SLC2A13: variants seen among roughly 807,000 people sequenced by gnomAD.
The protein encoded by SLC2A13 is proton myo-inositol cotransporter.
A neutral mutation model predicts 64.4 loss-of-function variants in SLC2A13; 32 were observed. That is an observed-to-expected ratio of 0.50 (90% confidence interval 0.37 to 0.67). SLC2A13 has a LOEUF of 0.67. SLC2A13 is among the 30% of genes least tolerant of loss of function. SLC2A13 has a pLI of 0.00. For synonymous variants in SLC2A13, 338 were observed against 327.1 expected (o/e 1.03, Z -0.36); for missense variants, 743 against 829.2 (o/e 0.90, Z 1.28).
At chr12:39,778,843 A>G (rs1243338848) in intron 7 of SLC2A13, among the ~76,000 whole-genome samples, 2 of 152,204 alleles carry the variant, frequency 1.3e-5, no homozygotes, top group African/African-American at 4.8e-5. Context: ...AGCAACATCT[A>G]TAGGGGTATA....
At chr12:40,040,638 A>T (rs7978715) in intron 2 of SLC2A13, among the ~76,000 whole-genome samples, 7 of 152,208 alleles carry the variant, frequency 4.6e-5, no homozygotes, top group Non-Finnish European at 7.4e-5. Context: ...GTGATCCACC[A>T]GCTTTGGCCT....
intron 3 of SLC2A13, among the ~76,000 whole-genome samples, chr12:39,994,117 C>T (rs969685000): frequency 2.6e-5 from 4 of 152,076 alleles, no homozygotes; most frequent in African/African-American, 9.7e-5. Flanking sequence ...CTGCCGGGCG[C>T]GGTGGCTCAC....
Position 39,990,495 on chromosome 12 carries a change from T to C in SLC2A13, c.925+37806A>G, listed in dbSNP as rs139029774. 2.0e-4 allele frequency among the ~76,000 whole-genome samples: 31 copies of C among 152,306 alleles called. No homozygotes were observed. The Middle Eastern group carries it at 0.01, about 50-fold the overall frequency. On this transcript the variant is annotated intron_variant, in intron 3 of 9. Transcript: ENST00000280871. ...AAGTACAAGAAGGATGTGCCCACACTTGGATTTCTGGCTGTACTGTATTCT... is the reference window on the plus strand; with the variant it reads ...AAGTACAAGAAGGATGTGCCCACACCTGGATTTCTGGCTGTACTGTATTCT...
intron 7 of SLC2A13, among the ~76,000 whole-genome samples, chr12:39,817,629 G>A (rs1001412009): frequency 1.3e-5 from 2 of 152,156 alleles, no homozygotes; most frequent in African/African-American, 4.8e-5. Context: ...GAAAAAGTTA[G>A]CTGTACACAG....
chr12:40,068,044 C>G (rs914139301), intron 1 of SLC2A13, among the ~76,000 whole-genome samples: 1 of 152,012 alleles, frequency 6.6e-6, no homozygotes, highest in East Asian at 1.9e-4. Context: ...GCTTGGGCAA[C>G]GGGGAACCAC....
intron 3 of SLC2A13, among the ~76,000 whole-genome samples, chr12:40,024,092 T>A (rs559652743): frequency 2.6e-5 from 4 of 152,364 alleles, no homozygotes; most frequent in Non-Finnish European, 5.9e-5. Flanking sequence ...TAATTACCTA[T>A]GTCTCTATCA....
intron 1 of SLC2A13, among the ~76,000 whole-genome samples, chr12:40,093,417 C>T (rs1938830841): frequency 6.6e-6 from 1 of 152,134 alleles, no homozygotes; most frequent in African/African-American, 2.4e-5. Flanking sequence ...AGGCACTACA[C>T]TATTCAATGG....
intron 1 of SLC2A13, chr12:40,068,554 A>T (rs1196846483): frequency 1.5e-5 from 3 of 200,702 alleles, no homozygotes; most frequent in Admixed American, 8.8e-5. Flanking sequence ...GCGTTGATCA[A>T]CTCCAGTGAC....
chr12:39,947,449 T>C (rs2136095436), intron 4 of SLC2A13, among the ~76,000 whole-genome samples: 1 of 152,312 alleles, frequency 6.6e-6, no homozygotes, highest in Middle Eastern at 3.4e-3. Context: ...AAAGATGTTA[T>C]CAAACCCACA....
chr12:39,882,347 A>T (rs1413077183), intron 4 of SLC2A13, among the ~76,000 whole-genome samples: 1 of 152,108 alleles, frequency 6.6e-6, no homozygotes, highest in Non-Finnish European at 1.5e-5. Context: ...TGCTTTGAAA[A>T]TTACTTCCCC....
intron 4 of SLC2A13, among the ~76,000 whole-genome samples, chr12:39,917,745 A>G (rs568108949): frequency 1.3e-5 from 2 of 152,170 alleles, no homozygotes; most frequent in South Asian, 4.2e-4. Context: ...CAGATGGCAG[A>G]CAGTGGGACT....
intron 4 of SLC2A13, among the ~76,000 whole-genome samples, chr12:39,936,835 G>A (rs1009220733): frequency 6.6e-6 from 1 of 152,188 alleles, no homozygotes; most frequent in African/African-American, 2.4e-5. Context: ...TGAGACTGGT[G>A]AGAGTGGAAT....
chr12:40,014,578 A>G (rs28370773), intron 3 of SLC2A13, among the ~76,000 whole-genome samples: 34 of 151,596 alleles, frequency 2.2e-4, no homozygotes, highest in African/African-American at 8.2e-4. Context: ...TGCAACCTCC[A>G]CCTCCCAGGT....
chr12:39,783,592 G>A (rs1941076881), intron 7 of SLC2A13, among the ~76,000 whole-genome samples: 1 of 152,154 alleles, frequency 6.6e-6, no homozygotes, highest in South Asian at 2.1e-4. Context: ...ATCTCATTGT[G>A]GCTTTGATTT....
At chr12:40,047,322 C>G (rs1271961577) in intron 2 of SLC2A13, among the ~76,000 whole-genome samples, 1 of 152,096 alleles carries the variant, frequency 6.6e-6, no homozygotes, top group Non-Finnish European at 1.5e-5. Context: ...GAAGTAAATA[C>G]TGAATAAATA....
intron 2 of SLC2A13, among the ~76,000 whole-genome samples, chr12:40,037,230 G>A (rs187359845): frequency 3.9e-5 from 6 of 152,154 alleles, no homozygotes; most frequent in Admixed American, 6.5e-5. Flanking sequence ...AATTATGCTG[G>A]CTTCAAAAAC....
chr12:39,847,046 T>C (rs570722634), intron 6 of SLC2A13, among the ~76,000 whole-genome samples: 148 of 152,182 alleles, frequency 9.7e-4, no homozygotes, highest in Non-Finnish European at 1.8e-3. Context: ...AATGATTCCT[T>C]TTACTTTGCA....
intron 3 of SLC2A13, among the ~76,000 whole-genome samples, chr12:39,995,787 G>T (rs1271521422): frequency 6.6e-6 from 1 of 152,126 alleles, no homozygotes. Flanking sequence ...TCGTGATAGT[G>T]AGTAAGTCTC....
At chr12:39,958,148 GA>G (rs1294701581) in intron 3 of SLC2A13, among the ~76,000 whole-genome samples, 1 of 152,080 alleles carries the variant, frequency 6.6e-6, no homozygotes, top group Non-Finnish European at 1.5e-5. Flanking sequence ...CATATATCCT[GA>G]ATCTAATACA....
Sources: allele counts gnomAD v4.1 joint callset (sites outside exome capture counted in the v4.1 genomes callset), GRCh38; gene constraint gnomAD v4.1.1; transcripts MANE v1.5; gene names NCBI Gene and HGNC (gene_info 2026-07-23, HGNC 2026-07-21).